SLC16A1: variants seen among roughly 807,000 people sequenced by gnomAD.
SLC16A1 encodes the protein monocarboxylate transporter 1.
In SLC16A1, 11 loss-of-function variants were observed where a neutral mutation model predicts 32.2. The ratio of observed to expected loss-of-function variants is 0.34; its 90% confidence interval spans 0.21 to 0.56. The LOEUF is 0.56. Among genes scored for constraint, SLC16A1 ranks in the 20% least tolerant of loss-of-function variants. SLC16A1 has a pLI of 0.87. For synonymous variants in SLC16A1, 231 were observed against 226.8 expected, an observed-to-expected ratio of 1.02 and a Z score of -0.17; for missense variants, 435 against 615.0, an observed-to-expected ratio of 0.71 and a Z score of 3.10.
intron 1 of SLC16A1, among the ~76,000 whole-genome samples, chr1:112,948,512 T>G (rs1309585260): frequency 6.7e-6 from 1 of 150,152 alleles, no homozygotes; most frequent in Admixed American, 6.6e-5. Flanking sequence ...AATATACAAT[T>G]TTTTTTTTTT....
At chr1:112,925,456 T>C (rs1274940243) in intron 2 of SLC16A1, among the ~76,000 whole-genome samples, 1 of 152,058 alleles carries the variant, frequency 6.6e-6, no homozygotes, top group African/African-American at 2.4e-5. Flanking sequence ...CAGGGTTCAC[T>C]GCAGCCTCGA....
intron 1 of SLC16A1, among the ~76,000 whole-genome samples, chr1:112,952,664 T>C (rs1487533172): frequency 1.3e-5 from 2 of 152,196 alleles, no homozygotes; most frequent in Non-Finnish European, 2.9e-5. Flanking sequence ...CTGGGGAAAG[T>C]AGATAGGGGA....
intron 2 of SLC16A1, among the ~76,000 whole-genome samples, chr1:112,927,223 T>C (rs901568323): frequency 5.9e-5 from 9 of 151,736 alleles, no homozygotes; most frequent in Non-Finnish European, 1.3e-4. Flanking sequence ...TTTTGAAATA[T>C]TTAAAATTCC....
At chr1:112,914,307 T>C in intron 4 of SLC16A1, 142 bp from the exon 5 acceptor site, 1 of 844,394 alleles carries the variant, frequency 1.2e-6, no homozygotes. Flanking sequence ...TATAAGGAAT[T>C]GCTGAAAATT....
At chr1:112,948,178 G>A (rs1364829238) in intron 1 of SLC16A1, among the ~76,000 whole-genome samples, 4 of 151,988 alleles carry the variant, frequency 2.6e-5, no homozygotes, top group East Asian at 1.9e-4. Flanking sequence ...CCAACATCAC[G>A]CCACTGTATT....
chr1:112,921,930 G>C lies in SLC16A1; in HGVS notation c.361+60C>G, dbSNP rs1013227002. On this transcript the variant is annotated intron_variant, in intron 3 of 4. Transcript: ENST00000369626. ...TCCAGAGATCTGAAAGATGAATGCA[G>C]GTAAATACAAAATAGCCAGCCATAA... 4 of 1,581,148 alleles carry C rather than the reference G, an allele frequency of 2.5e-6. No individual in the cohort carries two copies. In the African/African-American group the frequency reaches 5.4e-5, roughly 21 times the overall value.
intron 2 of SLC16A1, chr1:112,923,638 C>CGTCACTGAAGTGGCTGCAGT: frequency 6.9e-7 from 1 of 1,442,796 alleles, no homozygotes; most frequent in Non-Finnish European, 9.8e-7. Flanking sequence ...CAGCTGGAGA[C>CGTCACTGAAGTGGCTGCAGT]GTCACTGAAG....
intron 4 of SLC16A1, among the ~76,000 whole-genome samples, chr1:112,915,115 T>C (rs1444275176): frequency 6.6e-6 from 1 of 152,210 alleles, no homozygotes; most frequent in African/African-American, 2.4e-5. Context: ...CTTTATCATA[T>C]ACCAGGCACT....
rs2101617930 is a variant in SLC16A1, at chr1:112,913,917, G to A, written c.1477C>T (p.Pro493Ser). The stretch of plus-strand genomic sequence containing the variant: ...CAGACTGGACTTTCCTCCTCCTTGG[G>A]CCCTCCATCTGTGTCTTTCTGGTCC... The part of the protein sequence containing the change: ...SPDQKDTDGG[P>S]KEEESPV Residue 493 changes from proline (P) to serine (S), a missense_variant, in exon 5 of 5, where the codon CCC (proline) becomes TCC (serine). Coordinates refer to ENST00000369626, the MANE Select transcript of SLC16A1 (RefSeq NM_003051.4). The A allele has an allele frequency of 6.2e-7, 1 of 1,614,046 alleles. No homozygotes were observed. Among genetic ancestry groups the A allele is most frequent in the Non-Finnish European group, 8.5e-7 (1 of 1,179,980 alleles).
chr1:112,930,545 T>C (rs1446908015), intron 1 of SLC16A1, among the ~76,000 whole-genome samples: 2 of 152,302 alleles, frequency 1.3e-5, no homozygotes, highest in African/African-American at 4.8e-5. Flanking sequence ...GCCCATAATT[T>C]TTTGTAGCTT....
chr1:112,946,354 C>T (rs758983507), intron 1 of SLC16A1, among the ~76,000 whole-genome samples: 9 of 151,680 alleles, frequency 5.9e-5, no homozygotes, highest in Non-Finnish European at 1.0e-4. Context: ...GGCGGATCCA[C>T]TTGAGTTAAA....
chr1:112,926,597 G>C (rs972832022), intron 2 of SLC16A1, among the ~76,000 whole-genome samples: 7 of 152,134 alleles, frequency 4.6e-5, no homozygotes, highest in Admixed American at 3.3e-4. Flanking sequence ...TACCAGGCTA[G>C]GCATGGTGGC....
chr1:112,918,442 G>A lies in SLC16A1; in HGVS notation c.362-398C>T, dbSNP rs992112749. On this transcript the variant is annotated intron_variant, in intron 3 of 4. Transcript: ENST00000369626. ...TTTTGTCTAATCTAACAAAATCACC[G>A]GAAGGATTATTATAACCATATAAGA... is the stretch of plus-strand genomic sequence containing the variant. 3.9e-5 allele frequency among the ~76,000 whole-genome samples: 6 copies of A among 152,020 alleles called. No homozygotes were observed. The East Asian group carries it at 5.8e-4, about 15-fold the overall frequency.
rs1264488288 is a variant in SLC16A1 at position 112,918,175 on chromosome 1, A to G, written c.362-131T>C. On this transcript the variant is annotated intron_variant, in intron 3 of 4. Coordinates refer to ENST00000369626, the MANE Select transcript of SLC16A1 (RefSeq NM_003051.4). ...TAGAGGACATGTTATGTAGTGGTTT[A>G]AAGTATGACTTCTAAAACAGACATG... 1.3e-5 allele frequency: 9 copies of G among 675,298 alleles called. No individual in the cohort carries two copies. The African/African-American group carries it at 1.7e-4, about 13-fold the overall frequency. The allele number at this position is 675,298 out of a possible 1,614,324, so 41.8% of individuals were successfully genotyped here.
intron 1 of SLC16A1, among the ~76,000 whole-genome samples, chr1:112,937,176 T>C (rs1363112004): frequency 2.0e-5 from 3 of 152,286 alleles, no homozygotes; most frequent in South Asian, 2.1e-4. Flanking sequence ...ACACAGACAG[T>C]AGGGCTGTTT....
intron 2 of SLC16A1, among the ~76,000 whole-genome samples, chr1:112,925,688 T>A (rs543038058): frequency 1.8e-4 from 27 of 152,374 alleles, no homozygotes; most frequent in African/African-American, 6.5e-4. Context: ...CTTCTCTTCT[T>A]ACTTGCTATA....
intron 3 of SLC16A1, among the ~76,000 whole-genome samples, chr1:112,918,467 A>C (rs1476484795): frequency 6.6e-6 from 1 of 152,226 alleles, no homozygotes; most frequent in African/African-American, 2.4e-5. Flanking sequence ...ACCATATAAG[A>C]TCATTAAGTC....
intron 1 of SLC16A1, among the ~76,000 whole-genome samples, chr1:112,940,332 G>A (rs746325336): frequency 1.3e-5 from 2 of 152,050 alleles, no homozygotes; most frequent in African/African-American, 4.8e-5. Flanking sequence ...CATCAGTCAC[G>A]GCCCGGCTGA....
chr1:112,936,336 C>A (rs528570587), intron 1 of SLC16A1, among the ~76,000 whole-genome samples: 1 of 151,860 alleles, frequency 6.6e-6, no homozygotes, highest in South Asian at 2.1e-4. Context: ...GGTGAAACCC[C>A]AACTCTACTA....
Sources: allele counts gnomAD v4.1 joint callset (sites outside exome capture counted in the v4.1 genomes callset), GRCh38; gene constraint gnomAD v4.1.1; transcripts MANE v1.5; gene names NCBI Gene and HGNC (gene_info 2026-07-23, HGNC 2026-07-21).